The following LAMB3 variants were observed in gnomAD, a reference collection of about 807,000 sequenced individuals.
LAMB3 encodes the protein laminin subunit beta 3.
LAMB3 carries 104 observed loss-of-function variants against 140.3 expected under a neutral mutation model. That is an observed-to-expected ratio of 0.74 (90% CI 0.63 to 0.87). The LOEUF (loss-of-function observed/expected upper bound fraction) is 0.87, where lower values mean the gene tolerates loss of function less well. LAMB3 is among the 40% of genes least tolerant of loss of function. LAMB3 has a pLI of 0.00. For missense variants in LAMB3, 1,531 were observed against 1,575.2 expected, an observed-to-expected ratio of 0.97 and a Z score of 0.47; for synonymous variants, 592 against 602.9, an observed-to-expected ratio of 0.98 and a Z score of 0.26.
chr1:209,648,784 T>C (rs886511208), intron 3 of LAMB3, among the ~76,000 whole-genome samples: 1 of 152,178 alleles, frequency 6.6e-6, no homozygotes, highest in Non-Finnish European at 1.5e-5. Context: ...CCTGAAATTT[T>C]TAGATATGGG....
intron 14 of LAMB3, among the ~76,000 whole-genome samples, chr1:209,624,318 T>A (rs1189265665): frequency 6.6e-6 from 1 of 152,170 alleles, no homozygotes; most frequent in East Asian, 1.9e-4. Flanking sequence ...CCCTCCTCCT[T>A]CGCTCTCTAT....
chr1:209,618,044 G>A lies in LAMB3; in HGVS notation c.2914C>T (p.Arg972Ter), dbSNP rs747916314. 2.0e-5 allele frequency: 32 copies of A among 1,613,974 alleles called. No individual in the cohort carries two copies. Among genetic ancestry groups the A allele is most frequent in the South Asian group, 9.9e-5 (9 of 91,086 alleles). Reference sequence around the variant, plus strand: ...ACCTGGCCCTCCACTGCATGGGCTCGGCTCCTGGGTGAGAGAAGCAGCAGG... The same window carrying A: ...ACCTGGCCCTCCACTGCATGGGCTCAGCTCCTGGGTGAGAGAAGCAGCAGG... Reference protein sequence around the residue: ...LQAEAEEARSRAHAVEGQVED... With the variant: ...LQAEAEEARS The change falls in exon 20 of 23, where the codon CGA becomes TGA. Residue 972 changes from arginine to a stop codon, truncating the protein, a stop_gained. Transcript: ENST00000356082. LOFTEE classifies it high-confidence loss of function.
At chr1:209,627,764 C>T (rs1666523822) in intron 11 of LAMB3, among the ~76,000 whole-genome samples, 185 bp from the exon 12 acceptor site, 1 of 152,232 alleles carries the variant, frequency 6.6e-6, no homozygotes, top group African/African-American at 2.4e-5. Context: ...GGCAGCTCAG[C>T]CGCCTGCCTG....
chr1:209,617,408 A>T lies in LAMB3; in HGVS notation c.3228+2T>A, dbSNP rs1558146839. The T allele has an allele frequency of 6.2e-7, 1 of 1,612,170 alleles. No individual in the cohort carries two copies. Among genetic ancestry groups the T allele is most frequent in the South Asian group, 1.1e-5 (1 of 91,002 alleles). On this transcript the variant is annotated splice_donor_variant, in intron 21 of 22. Coordinates refer to ENST00000356082, the MANE Select transcript of LAMB3 (RefSeq NM_000228.3). LOFTEE classifies it high-confidence loss of function. ...ATTGAGCTAACTCCGCCTTCTCTGT[A>T]CCTCTTGGGCACTCAATGCCTGCTC...
Position 209,632,213 on chromosome 1 carries a change from T to C in LAMB3, c.822+370A>G, listed in dbSNP as rs150053152. On this transcript the variant is annotated intron_variant, in intron 8 of 22. Coordinates refer to ENST00000356082, the MANE Select transcript of LAMB3 (RefSeq NM_000228.3). ...GACCTGGCAGTACATTCGAGTCACC[T>C]GGGAGCTTTAAAAGCCAATCATAAA... Among the ~76,000 whole-genome samples the C allele has an allele frequency of 3.3e-4, 51 of 152,320 alleles. 1 individual carries two copies. In the East Asian group the frequency reaches 9.5e-3, roughly 28 times the overall value.
chr1:209,637,133 C>T (rs1310292592), intron 5 of LAMB3, among the ~76,000 whole-genome samples: 1 of 152,222 alleles, frequency 6.6e-6, no homozygotes, highest in Non-Finnish European at 1.5e-5. Context: ...TTTATTCAAA[C>T]AATGCTGGCA....
At chr1:209,619,483 G>C in intron 18 of LAMB3, among the ~76,000 whole-genome samples, 1 of 152,194 alleles carries the variant, frequency 6.6e-6, no homozygotes, top group East Asian at 1.9e-4. Flanking sequence ...AAGCCACCTG[G>C]GCAAGTCAAG....
chr1:209,626,094 C>G, intron 13 of LAMB3, 68 bp from the exon 14 acceptor site: 1 of 1,548,124 alleles, frequency 6.5e-7, no homozygotes. Context: ...CAGGGAGAGC[C>G]CTGAAGAGGA....
chr1:209,615,309 T>C lies in LAMB3; in HGVS notation c.3481A>G (p.Ile1161Val), dbSNP rs755713391. The change falls in exon 23 of 23, where the codon ATC becomes GTC. Residue 1161 changes from isoleucine to valine, a missense_variant. Ile to Val is a conservative substitution (Grantham distance 29). Coordinates refer to ENST00000356082, the MANE Select transcript of LAMB3 (RefSeq NM_000228.3). ...EKRVEQIRDH[I>V]NGRVLYYATC... Reference sequence around the variant, plus strand: ...GCATAGTAGAGCACGCGCCCATTGATGTGGTCACGGATCTGCTCCACACGC... The same window carrying C: ...GCATAGTAGAGCACGCGCCCATTGACGTGGTCACGGATCTGCTCCACACGC... 15 of 1,614,178 alleles carry C rather than the reference T, an allele frequency of 9.3e-6. No individual in the cohort carries two copies. The highest frequency in any genetic ancestry group is 3.3e-5 in the Admixed American group (2 of 60,026).
chr1:209,651,880 G>A (rs1212313975), intron 1 of LAMB3, among the ~76,000 whole-genome samples: 1 of 151,686 alleles, frequency 6.6e-6, no homozygotes, highest in Non-Finnish European at 1.5e-5. Context: ...GGCAGGGGCG[G>A]GGGGGGAAAT....
At chr1:209,619,809 A>T (rs992007518) in intron 18 of LAMB3, among the ~76,000 whole-genome samples, 1 of 152,154 alleles carries the variant, frequency 6.6e-6, no homozygotes, top group African/African-American at 2.4e-5. Flanking sequence ...CACAGGTCTC[A>T]TTCCCTGCCC....
chr1:209,638,700 C>G (rs768859466), intron 3 of LAMB3, 52 bp from the exon 4 acceptor site: 14 of 1,212,588 alleles, frequency 1.2e-5, no homozygotes, highest in Non-Finnish European at 1.6e-5. Flanking sequence ...TGATAGAATT[C>G]CCCCTTGCGT....
rs1416129902 is a variant in LAMB3, at chr1:209,630,744, G to C, written c.823-9C>G. 2 of 1,613,550 alleles carry C rather than the reference G, an allele frequency of 1.2e-6. No homozygotes were observed. Among genetic ancestry groups the C allele is most frequent in the African/African-American group, 2.7e-5 (2 of 74,868 alleles). ...ACACAGACATCGTGGACCTGGGAGGGGGACCGTCAGCCATCAGGAGTAATC... is the reference window on the plus strand; with the variant it reads ...ACACAGACATCGTGGACCTGGGAGGCGGACCGTCAGCCATCAGGAGTAATC... On this transcript the variant is annotated splice_polypyrimidine_tract_variant and intron_variant, in intron 8 of 22. Transcript: ENST00000356082.
chr1:209,625,846 C>T lies in LAMB3; in HGVS notation c.1778G>A (p.Arg593Gln), dbSNP rs546638996. The T allele has an allele frequency of 4.7e-5, 76 of 1,614,076 alleles. 1 individual carries two copies. In the South Asian group the frequency reaches 5.4e-4, roughly 11 times the overall value. Residue 593 changes from arginine to glutamine, a missense_variant, in exon 14 of 23, where the codon CGG becomes CAG. By Grantham distance (43) the Arg-to-Gln change is conservative. Transcript: ENST00000356082. Reference sequence around the variant, plus strand: ...TCTACCAAAGCGCAGGGCCTGCTCCCGGAGGTCCGCATCATAGGTCTGGAA... The same window carrying T: ...TCTACCAAAGCGCAGGGCCTGCTCCTGGAGGTCCGCATCATAGGTCTGGAA... ...PCFQTYDADL[R>Q]EQALRFGRLR...
Position 209,625,884 on chromosome 1 carries a change from G to A in LAMB3, c.1740C>T (p.Ala580=), listed in dbSNP as rs1318119346. The A allele has an allele frequency of 6.2e-7, 1 of 1,613,980 alleles. No individual in the cohort carries two copies. Among genetic ancestry groups the A allele is most frequent in the Non-Finnish European group, 8.5e-7 (1 of 1,179,956 alleles). Residue 580 remains alanine, a synonymous_variant, in exon 14 of 23, where the codon GCC becomes GCT. Coordinates refer to ENST00000356082, the MANE Select transcript of LAMB3 (RefSeq NM_000228.3). ...CATAGGTCTGGAAGCAAGGGTGGCAGGCCACGCACACCGGGTAGCGATTAC... is the reference window on the plus strand; with the variant it reads ...CATAGGTCTGGAAGCAAGGGTGGCAAGCCACGCACACCGGGTAGCGATTAC... The part of the protein sequence containing the change: ...GYCNRYPVCV[A]CHPCFQTYDA...
Position 209,650,989 on chromosome 1 carries a change from A to C in LAMB3, c.-37-8T>G, listed in dbSNP as rs1464829381. On this transcript the variant is annotated splice_region_variant and splice_polypyrimidine_tract_variant and intron_variant, in intron 1 of 22. Transcript: ENST00000356082. ...CCCCAGAAAGGACCTTTCCTAGGACACAGCAAAGCAAACTGGGTACAACAG... is the reference window on the plus strand; with the variant it reads ...CCCCAGAAAGGACCTTTCCTAGGACCCAGCAAAGCAAACTGGGTACAACAG... The C allele has an allele frequency of 2.5e-6, 4 of 1,590,690 alleles. No homozygotes were observed. The highest frequency in any genetic ancestry group is 3.5e-6 in the Non-Finnish European group (4 of 1,158,654).
chr1:209,651,389 T>G, intron 1 of LAMB3: 1 of 224,168 alleles, frequency 4.5e-6, no homozygotes, highest in Non-Finnish European at 9.2e-6. Context: ...CTGGCTTTTC[T>G]CAGGGCCTAG....
At chr1:209,638,915 G>GA (rs1316102037) in intron 3 of LAMB3, among the ~76,000 whole-genome samples, 1 of 147,780 alleles carries the variant, frequency 6.8e-6, no homozygotes, top group Non-Finnish European at 1.5e-5. Flanking sequence ...TACGAGGTGG[G>GA]AAAAAATACT....
chr1:209,636,969 C>A (rs1666915695), intron 5 of LAMB3, among the ~76,000 whole-genome samples: 1 of 152,352 alleles, frequency 6.6e-6, no homozygotes, highest in South Asian at 2.1e-4. Flanking sequence ...ACATCTGACA[C>A]CAAGCCTAAT....
Sources: gnomAD v4.1 joint callset for allele counts (sites outside exome capture counted in the v4.1 genomes callset) on GRCh38, gnomAD v4.1.1 for gene constraint, MANE v1.5 for transcripts, NCBI Gene and HGNC (gene_info 2026-07-23, HGNC 2026-07-21) for gene names.